CERS5: variants seen among roughly 807,000 people sequenced by gnomAD.
CERS5 encodes ceramide synthase 5.
In CERS5, 37 loss-of-function variants were observed where a neutral mutation model predicts 58.9. That is an observed-to-expected ratio of 0.63 (90% CI 0.48 to 0.83). CERS5 has a LOEUF of 0.83. CERS5 is among the 40% of genes least tolerant of loss of function. The pLI is 0.00. For missense variants in CERS5, 398 were observed against 489.3 expected, an observed-to-expected ratio of 0.81 and a Z score of 1.76; for synonymous variants, 147 against 177.8, an observed-to-expected ratio of 0.83 and a Z score of 1.38.
At chr12:50,137,321 A>G (rs1951741904) in intron 6 of CERS5, among the ~76,000 whole-genome samples, 1 of 152,192 alleles carries the variant, frequency 6.6e-6, no homozygotes, top group South Asian at 2.1e-4. Flanking sequence ...TAAGTGGGGT[A>G]ACCAGAAAGG....
chr12:50,134,798 C>G, intron 8 of CERS5, 96 bp from the exon 9 acceptor site: 1 of 1,150,556 alleles, frequency 8.7e-7, no homozygotes, highest in East Asian at 2.4e-5. Context: ...GTGTGTTTTC[C>G]TACCAGCCCT....
intron 9 of CERS5, chr12:50,134,071 GAAAAA>G (rs57888855): frequency 5.0e-5 from 4 of 79,682 alleles, no homozygotes; most frequent in South Asian, 5.1e-4. Flanking sequence ...GATTCCATCT[GAAAAA>G]AAAAAAAAAA....
Position 50,130,476 on chromosome 12 carries a change from G to A in CERS5, c.*69C>T. Reference sequence around the variant, plus strand: ...AATCACAGAAGAGTAGATATGGGAAGGGCCAAGAGGAGTATGTTGCCAGTG... The same window carrying A: ...AATCACAGAAGAGTAGATATGGGAAAGGCCAAGAGGAGTATGTTGCCAGTG... On this transcript the variant is annotated 3_prime_UTR_variant, in exon 10 of 10. Coordinates refer to ENST00000317551, the MANE Select transcript of CERS5 (RefSeq NM_147190.5). The A allele has an allele frequency of 7.3e-7, 1 of 1,367,448 alleles. No individual in the cohort carries two copies. Among genetic ancestry groups the A allele is most frequent in the Non-Finnish European group, 9.8e-7 (1 of 1,015,844 alleles). 84.7% of individuals were successfully genotyped at this position (1,367,448 alleles called of 1,614,324 possible). A position where few individuals can be genotyped will look rare whatever the true frequency, so the allele number is the denominator to read the frequency against.
intron 4 of CERS5, among the ~76,000 whole-genome samples, chr12:50,141,674 C>T (rs1951975950): frequency 6.6e-6 from 1 of 152,086 alleles, no homozygotes; most frequent in South Asian, 2.1e-4. Flanking sequence ...CTCAGTGGCT[C>T]ATGCCTGAAA....
chr12:50,135,888 T>C (rs780059103), intron 7 of CERS5, 50 bp from the exon 8 acceptor site: 8 of 1,588,664 alleles, frequency 5.0e-6, no homozygotes, highest in African/African-American at 1.4e-5. Context: ...ATTCCTCACA[T>C]AGGAAGAAAA....
chr12:50,156,573 T>C (rs1355357232), intron 1 of CERS5, among the ~76,000 whole-genome samples: 2 of 151,444 alleles, frequency 1.3e-5, no homozygotes, highest in Non-Finnish European at 2.9e-5. Flanking sequence ...CCAGCGTGGC[T>C]GACAGAGTGA....
intron 4 of CERS5, among the ~76,000 whole-genome samples, chr12:50,141,625 T>C: frequency 6.6e-6 from 1 of 151,522 alleles, no homozygotes; most frequent in East Asian, 1.9e-4. Flanking sequence ...AGAGGAAAAG[T>C]TGGGGGAAAT....
At position 50,130,512 on chromosome 12, in the gene CERS5, T is replaced by G; in HGVS notation, c.*33A>C. Reference sequence around the variant, plus strand: ...AGTATGTTGCCAGTGGCCCTACAAGTCCATGTGTGCTGAAGTCCCTATAGC... The same window carrying G: ...AGTATGTTGCCAGTGGCCCTACAAGGCCATGTGTGCTGAAGTCCCTATAGC... On this transcript the variant is annotated 3_prime_UTR_variant, in exon 10 of 10. Coordinates refer to ENST00000317551, the MANE Select transcript of CERS5 (RefSeq NM_147190.5). The G allele has an allele frequency of 6.5e-7, 1 of 1,535,010 alleles. No individual in the cohort carries two copies. The highest frequency in any genetic ancestry group is 8.9e-7 in the Non-Finnish European group (1 of 1,126,822).
At chr12:50,153,451 T>A (rs1938208418) in intron 1 of CERS5, among the ~76,000 whole-genome samples, 1 of 151,630 alleles carries the variant, frequency 6.6e-6, no homozygotes. Context: ...AGCTAATTTT[T>A]GTATTTTTAG....
At chr12:50,156,683 A>T (rs979150422) in intron 1 of CERS5, among the ~76,000 whole-genome samples, 1 of 152,148 alleles carries the variant, frequency 6.6e-6, no homozygotes, top group Non-Finnish European at 1.5e-5. Context: ...GGGGTCTTCA[A>T]TAATTTTTTA....
At chr12:50,135,092 A>G (rs1053988772) in intron 8 of CERS5, among the ~76,000 whole-genome samples, 1 of 140,510 alleles carries the variant, frequency 7.1e-6, no homozygotes, top group African/African-American at 2.6e-5. Flanking sequence ...GAAAGGAGAC[A>G]GGGAGAGAGA....
intron 1 of CERS5, among the ~76,000 whole-genome samples, chr12:50,158,547 A>T (rs1420485146): frequency 6.6e-6 from 1 of 152,234 alleles, no homozygotes; most frequent in Non-Finnish European, 1.5e-5. Flanking sequence ...TAAGAGGCAA[A>T]GTGTTTCATG....
chr12:50,160,642 T>C (rs1939180466), intron 1 of CERS5, among the ~76,000 whole-genome samples: 1 of 152,236 alleles, frequency 6.6e-6, no homozygotes. Flanking sequence ...ATAGATCTGA[T>C]GGTATCAATA....
At position 50,164,657 on chromosome 12, in the gene CERS5, AGTATT is replaced by A. The variant is rs1232292993; in HGVS notation, c.197+2439_197+2443del. On this transcript the variant is annotated intron_variant, in intron 1 of 9. Transcript: ENST00000317551. ...TATCATACTAGAATGCTTTCAGCTC[AGTATT>A]CCCATCCACCTGTACTCCTCTGACA... 4.6e-5 allele frequency among the ~76,000 whole-genome samples: 7 copies of A among 152,186 alleles called. No homozygotes were observed. The East Asian group carries it at 1.3e-3, about 29-fold the overall frequency.
At chr12:50,166,519 A>G (rs1939916867) in intron 1 of CERS5, among the ~76,000 whole-genome samples, 1 of 151,952 alleles carries the variant, frequency 6.6e-6, no homozygotes. Flanking sequence ...CCCTATCCCA[A>G]CCAGATTTCT....
chr12:50,134,071 G>GAAAAAAAAA (rs57888855), intron 9 of CERS5: 40 of 79,658 alleles, frequency 5.0e-4, no homozygotes, highest in South Asian at 2.1e-3. Flanking sequence ...GATTCCATCT[G>GAAAAAAAAA]AAAAAAAAAA....
At chr12:50,159,753 C>T (rs1939062788) in intron 1 of CERS5, among the ~76,000 whole-genome samples, 1 of 151,852 alleles carries the variant, frequency 6.6e-6, no homozygotes, top group Non-Finnish European at 1.5e-5. Context: ...ACCACCACAC[C>T]CAGCTAATTT....
intron 1 of CERS5, chr12:50,145,159 AAG>A (rs1206701637): frequency 1.1e-4 from 7 of 65,800 alleles, no homozygotes; most frequent in East Asian, 5.3e-4. Context: ...AAAAAAAAAG[AAG>A]AAGAATAAAA....
intron 4 of CERS5, among the ~76,000 whole-genome samples, chr12:50,140,157 A>G (rs1011170743): frequency 1.3e-5 from 2 of 152,058 alleles, no homozygotes. Flanking sequence ...TTTCCCTCTA[A>G]GTATGTTTTA....
Sources: gnomAD v4.1 joint callset for allele counts (sites outside exome capture counted in the v4.1 genomes callset) on GRCh38, gnomAD v4.1.1 for gene constraint, MANE v1.5 for transcripts, NCBI Gene and HGNC (gene_info 2026-07-23, HGNC 2026-07-21) for gene names.